Variants in NSMCE2 observed in about 807,000 individuals in gnomAD.
NSMCE2 encodes the protein NSE2 SUMO ligase component of SMC5/6 complex, also known as E3 SUMO-protein ligase NSE2.
Under a neutral mutation model 23.8 loss-of-function variants are expected in NSMCE2, and 24 were observed. The ratio of observed to expected loss-of-function variants is 1.01; its 90% CI spans 0.73 to 1.42. NSMCE2 has a LOEUF of 1.42. Ranked by LOEUF, NSMCE2 falls within the 40% of genes most tolerant of loss-of-function variation. The pLI, the probability that NSMCE2 is intolerant of heterozygous loss-of-function variation, is 0.00. For synonymous variants in NSMCE2, 92 were observed against 94.1 expected (o/e 0.98, Z 0.13); for missense variants, 284 against 296.5 (o/e 0.96, Z 0.31).
intron 5 of NSMCE2, among the ~76,000 whole-genome samples, chr8:125,347,651 C>G (rs1812834366): frequency 6.6e-6 from 1 of 152,150 alleles, no homozygotes; most frequent in Non-Finnish European, 1.5e-5. Flanking sequence ...AAAGAAAGTT[C>G]CATTCACATG....
At chr8:125,196,275 C>A (rs1823615293) in intron 5 of NSMCE2, among the ~76,000 whole-genome samples, 1 of 149,940 alleles carries the variant, frequency 6.7e-6, no homozygotes, top group Non-Finnish European at 1.5e-5. Flanking sequence ...CATAGGTATA[C>A]ATGTGCCATG....
At position 125,357,260 on chromosome 8, in the gene NSMCE2, G is replaced by A; in HGVS notation, c.460G>A (p.Val154Met). The change falls in exon 6 of 8, where the codon GTG (valine) becomes ATG (methionine). Residue 154 changes from valine (V) to methionine (M), a missense_variant. Physicochemically the swap from Val to Met is conservative, Grantham distance 21. Around this residue, in one of 2 missense-constraint regions of NSMCE2, gnomAD observed 102 missense variants for 141.0 expected, o/e 0.72. Transcript: ENST00000287437. The stretch of plus-strand genomic sequence containing the variant: ...CAGAGAAGCTGACGGAACAGAAGGA[G>A]TGGATGAAGATATAATTGTGACCCA... ...ADREADGTEG[V>M]DEDIIVTQSQ... 6.2e-7 allele frequency: 1 copy of A among 1,613,918 alleles called. No individual in the cohort carries two copies. Among genetic ancestry groups the A allele is most frequent in the Non-Finnish European group, 8.5e-7 (1 of 1,179,792 alleles).
At chr8:125,309,181 G>T (rs1448871170) in intron 5 of NSMCE2, among the ~76,000 whole-genome samples, 1 of 148,690 alleles carries the variant, frequency 6.7e-6, no homozygotes, top group Non-Finnish European at 1.5e-5. Context: ...CCTAGAGGCA[G>T]AGGTTGCAAT....
At chr8:125,247,411 C>A (rs1197357259) in intron 5 of NSMCE2, among the ~76,000 whole-genome samples, 1 of 152,078 alleles carries the variant, frequency 6.6e-6, no homozygotes, top group Non-Finnish European at 1.5e-5. Context: ...TTAATAAAAT[C>A]TGGCAGAATA....
intron 5 of NSMCE2, among the ~76,000 whole-genome samples, chr8:125,278,134 C>CT (rs947031867): frequency 1.1e-4 from 17 of 151,970 alleles, no homozygotes; most frequent in African/African-American, 3.4e-4. Context: ...TGATGATGGT[C>CT]TTTTTTGTTG....
intron 5 of NSMCE2, among the ~76,000 whole-genome samples, chr8:125,300,443 A>G (rs774801541): frequency 1.3e-5 from 2 of 152,192 alleles, no homozygotes; most frequent in Non-Finnish European, 2.9e-5. Flanking sequence ...GATTACAGAC[A>G]TGAGCCATCA....
intron 5 of NSMCE2, among the ~76,000 whole-genome samples, chr8:125,211,956 C>T (rs1046939547): frequency 6.6e-6 from 1 of 152,156 alleles, no homozygotes; most frequent in Non-Finnish European, 1.5e-5. Flanking sequence ...GTTCCATTGG[C>T]ATGTACTTGT....
At chr8:125,243,758 C>G (rs1825850143) in intron 5 of NSMCE2, among the ~76,000 whole-genome samples, 1 of 152,236 alleles carries the variant, frequency 6.6e-6, no homozygotes, top group African/African-American at 2.4e-5. Flanking sequence ...AAGAGAATTA[C>G]TTTGTATCCA....
At chr8:125,167,538 G>A (rs1017297778) in intron 4 of NSMCE2, among the ~76,000 whole-genome samples, 2 of 151,892 alleles carry the variant, frequency 1.3e-5, no homozygotes, top group Non-Finnish European at 2.9e-5. Context: ...GGGAGGCTGA[G>A]GCACGAGAAT....
chr8:125,099,405 A>G (rs528807411), intron 1 of NSMCE2, among the ~76,000 whole-genome samples: 1 of 152,132 alleles, frequency 6.6e-6, no homozygotes, highest in South Asian at 2.1e-4. Flanking sequence ...GGCAGAGGGA[A>G]CCAAGAAGGC....
intron 1 of NSMCE2, 132 bp from the exon 2 acceptor site, chr8:125,101,919 T>C (rs1325343360): frequency 6.4e-6 from 1 of 155,260 alleles, no homozygotes; most frequent in Admixed American, 6.3e-5. Context: ...GTTTTCAAAA[T>C]AGTTTACTAA....
intron 5 of NSMCE2, among the ~76,000 whole-genome samples, chr8:125,221,216 G>A (rs1412724844): frequency 1.3e-5 from 2 of 152,190 alleles, no homozygotes; most frequent in Admixed American, 6.5e-5. Context: ...GCATAGCCCA[G>A]TACCCACTGT....
intron 5 of NSMCE2, among the ~76,000 whole-genome samples, chr8:125,313,188 A>G (rs1287639895): frequency 6.7e-6 from 1 of 148,766 alleles, no homozygotes; most frequent in African/African-American, 2.5e-5. Flanking sequence ...AGGAAGGAGA[A>G]AGAAAGAGAG....
At chr8:125,252,299 G>T (rs895683990) in intron 5 of NSMCE2, among the ~76,000 whole-genome samples, 1 of 152,166 alleles carries the variant, frequency 6.6e-6, no homozygotes, top group Non-Finnish European at 1.5e-5. Flanking sequence ...GAGGCCAAGG[G>T]GGGCAGATCA....
rs1230798388 is a variant in NSMCE2 at position 125,272,914 on chromosome 8, TGGA to T, written c.419-84304_419-84302del. The stretch of plus-strand genomic sequence containing the variant: ...ATATATAAAAGGCTGTGTAATACGG[TGGA>T]AAGAGAACTGACTTGGGAGCTAGGC... On this transcript the variant is annotated intron_variant, in intron 5 of 7. Transcript: ENST00000287437. Among the ~76,000 whole-genome samples, 221 of 151,120 alleles carry T rather than the reference TGGA, an allele frequency of 1.5e-3. 15 individuals are homozygous for T. Among genetic ancestry groups the T allele is most frequent in the African/African-American group, 5.2e-3 (213 of 41,120 alleles).
intron 5 of NSMCE2, among the ~76,000 whole-genome samples, chr8:125,281,721 A>G (rs1362611153): frequency 1.3e-5 from 2 of 151,172 alleles, no homozygotes; most frequent in African/African-American, 2.4e-5. Context: ...GATTACAGAC[A>G]TGAGCCACCG....
intron 5 of NSMCE2, among the ~76,000 whole-genome samples, chr8:125,339,970 A>ATCCTGGG (rs1205180750): frequency 1.4e-5 from 2 of 146,778 alleles, no homozygotes; most frequent in Non-Finnish European, 3.0e-5. Flanking sequence ...TTTGCTCCTG[A>ATCCTGGG]TCCTGGGAAA....
intron 4 of NSMCE2, among the ~76,000 whole-genome samples, chr8:125,154,543 C>T (rs866516918): frequency 4.7e-5 from 7 of 150,160 alleles, no homozygotes; most frequent in South Asian, 2.1e-4. Context: ...CTCATTCCAG[C>T]TAATTTGTTG....
At chr8:125,301,825 G>A (rs1006578854) in intron 5 of NSMCE2, among the ~76,000 whole-genome samples, 7 of 151,922 alleles carry the variant, frequency 4.6e-5, no homozygotes, top group South Asian at 4.2e-4. Flanking sequence ...AACCATGCCC[G>A]GCTAATTTTT....
Sources: gnomAD v4.1 joint callset for allele counts (sites outside exome capture counted in the v4.1 genomes callset) on GRCh38, gnomAD v4.1.1 for gene constraint, gnomAD v4.1.1 regional missense constraint, MANE v1.5 for transcripts, NCBI Gene and HGNC (gene_info 2026-07-23, HGNC 2026-07-21) for gene names.